The following AGBL3 variants were observed in gnomAD, a reference collection of about 807,000 sequenced individuals.
AGBL3 encodes AGBL carboxypeptidase 3, also known as cytosolic carboxypeptidase 3.
Under a neutral mutation model 94.5 loss-of-function variants are expected in AGBL3, and 68 were observed. That is an observed-to-expected ratio of 0.72 (90% CI 0.59 to 0.88). The LOEUF (loss-of-function observed/expected upper bound fraction) is 0.88, where lower values mean the gene tolerates loss of function less well. Among genes scored for constraint, AGBL3 ranks in the 40% least tolerant of loss-of-function variants. The pLI, the probability that AGBL3 is intolerant of heterozygous loss-of-function variation, is 0.00. For synonymous variants in AGBL3, 354 were observed against 370.7 expected, an observed-to-expected ratio of 0.95 and a Z score of 0.52; for missense variants, 934 against 1,103.8, an observed-to-expected ratio of 0.85 and a Z score of 2.18.
At chr7:135,101,919 A>C (rs1367431833) in intron 15 of AGBL3, among the ~76,000 whole-genome samples, 1 of 152,142 alleles carries the variant, frequency 6.6e-6, no homozygotes, top group Non-Finnish European at 1.5e-5. Flanking sequence ...TCATGATAGT[A>C]AATAAGTCTC....
At chr7:135,069,773 A>G (rs560573660) in intron 12 of AGBL3, among the ~76,000 whole-genome samples, 1 of 152,362 alleles carries the variant, frequency 6.6e-6, no homozygotes, top group East Asian at 1.9e-4. Flanking sequence ...AGAAAGCAGG[A>G]AATATCTAAA....
In AGBL3 at chr7:135,034,546, C is replaced by A; in HGVS notation, c.955C>A (p.Arg319=). The change falls in exon 7 of 17, where the codon CGG becomes AGG. Residue 319 remains arginine, a synonymous_variant. Transcript: ENST00000436302. ...TTCTGGCATCAATAATGATCCAGTA[C>A]GGTCAAAGTTTTGTAAAATACGTGT... ...YLSGINNDPV[R]SKFCKIRVLC... The A allele has an allele frequency of 6.4e-7, 1 of 1,551,870 alleles. No homozygotes were observed. Among genetic ancestry groups the A allele is most frequent in the Non-Finnish European group, 8.7e-7 (1 of 1,147,006 alleles).
At chr7:135,009,987 T>C in intron 4 of AGBL3, 1 of 433,894 alleles carries the variant, frequency 2.3e-6, no homozygotes, top group Non-Finnish European at 4.5e-6. Context: ...TTGCAGTTTG[T>C]TATTTTATTT....
intron 11 of AGBL3, chr7:135,051,068 G>A (rs1817834173): frequency 7.0e-6 from 3 of 430,530 alleles, no homozygotes; most frequent in African/African-American, 2.1e-5. Flanking sequence ...TATAATAAAA[G>A]GTAATGAATA....
At chr7:135,059,334 A>T in intron 12 of AGBL3, 99 bp downstream of exon 12, 2 of 625,764 alleles carry the variant, frequency 3.2e-6, no homozygotes, top group Non-Finnish European at 5.3e-6. Flanking sequence ...ATATGTAATT[A>T]TTGTATCATC....
At chr7:135,018,679 T>C (rs1814085515) in intron 5 of AGBL3, among the ~76,000 whole-genome samples, 1 of 152,186 alleles carries the variant, frequency 6.6e-6, no homozygotes, top group Admixed American at 6.5e-5. Context: ...TTTCCATTTT[T>C]ACAAATGACA....
chr7:135,056,002 C>G (rs1272974272), intron 11 of AGBL3, among the ~76,000 whole-genome samples: 2 of 151,848 alleles, frequency 1.3e-5, no homozygotes, highest in Non-Finnish European at 2.9e-5. Context: ...TACACTGTGT[C>G]TTTCAAGAAG....
intron 4 of AGBL3, chr7:135,010,733 A>G (rs774471803): frequency 6.6e-5 from 10 of 152,210 alleles, no homozygotes; most frequent in Non-Finnish European, 1.2e-4. Flanking sequence ...AACTGTTTCA[A>G]ATAAAATTAA....
chr7:135,057,003 TAAAAC>T (rs1489994463), intron 11 of AGBL3, among the ~76,000 whole-genome samples: 5 of 152,030 alleles, frequency 3.3e-5, no homozygotes, highest in Non-Finnish European at 5.9e-5. Context: ...GCTACATAAT[TAAAAC>T]AGTGCAGTAC....
chr7:135,004,874 G>C (rs1263892700), intron 4 of AGBL3, among the ~76,000 whole-genome samples: 1 of 151,064 alleles, frequency 6.6e-6, no homozygotes. Context: ...TTCTAGTTTT[G>C]TGCTGTATTC....
At chr7:135,069,141 T>C (rs1269709981) in intron 12 of AGBL3, among the ~76,000 whole-genome samples, 1 of 152,160 alleles carries the variant, frequency 6.6e-6, no homozygotes, top group Non-Finnish European at 1.5e-5. Context: ...GGCCATTACA[T>C]AATGGTAAAG....
At position 135,099,154 on chromosome 7, in the gene AGBL3, A is replaced by G. The variant is rs1439511758; in HGVS notation, c.2111-16226A>G. The stretch of plus-strand genomic sequence containing the variant: ...GTATGTAATTATTATATGTTAGACT[A>G]TTTTTTGGTCTGGTATATCTGTGTC... On this transcript the variant is annotated intron_variant, in intron 15 of 16. Transcript: ENST00000436302. Among the ~76,000 whole-genome samples the G allele has an allele frequency of 8.1e-5, 12 of 148,174 alleles. No individual in the cohort carries two copies. In the South Asian group the frequency reaches 2.0e-3, roughly 25 times the overall value.
intron 11 of AGBL3, among the ~76,000 whole-genome samples, chr7:135,048,363 G>T (rs1399786828): frequency 6.6e-6 from 1 of 151,820 alleles, no homozygotes; most frequent in African/African-American, 2.4e-5. Context: ...ATGAATCACA[G>T]AACTCTTTTT....
intron 4 of AGBL3, chr7:134,995,449 T>G (rs1137566): frequency 0.25 from 38,230 of 152,204 alleles, 4,889 homozygotes; most frequent in Middle Eastern, 0.36. Flanking sequence ...GGAGTCACCA[T>G]CAGCAGCTCA....
chr7:135,005,136 C>T (rs1321315034), intron 4 of AGBL3, among the ~76,000 whole-genome samples: 2 of 151,528 alleles, frequency 1.3e-5, no homozygotes, highest in East Asian at 3.8e-4. Context: ...CAATTAAGTC[C>T]TTTTAGTTTT....
chr7:135,107,966 A>G (rs1825003683), intron 15 of AGBL3, among the ~76,000 whole-genome samples: 1 of 151,958 alleles, frequency 6.6e-6, no homozygotes, highest in African/African-American at 2.4e-5. Context: ...CCATTATGTA[A>G]TGTCTTTATC....
intron 16 of AGBL3, chr7:135,129,017 C>T (rs1238240098): frequency 1.8e-5 from 29 of 1,606,818 alleles, no homozygotes; most frequent in Non-Finnish European, 2.0e-5. Flanking sequence ...TGAAGGACTA[C>T]TTTGAAATCC....
At chr7:135,104,960 G>A (rs1157196284) in intron 15 of AGBL3, among the ~76,000 whole-genome samples, 1 of 151,270 alleles carries the variant, frequency 6.6e-6, no homozygotes, top group African/African-American at 2.4e-5. Flanking sequence ...TGCTTTTGTT[G>A]TGATTGCTTT....
chr7:135,034,084 G>T, intron 6 of AGBL3, 65 bp from the exon 7 acceptor site: 1 of 1,299,714 alleles, frequency 7.7e-7, no homozygotes, highest in Non-Finnish European at 1.0e-6. Context: ...TTTTACATTG[G>T]TTTTTTACAA....
Sources: allele counts gnomAD v4.1 joint callset (sites outside exome capture counted in the v4.1 genomes callset), GRCh38; gene constraint gnomAD v4.1.1; transcripts MANE v1.5; gene names NCBI Gene and HGNC (gene_info 2026-07-23, HGNC 2026-07-21).